The following SLC35D4 variants were observed in gnomAD, a reference collection of about 807,000 sequenced individuals.
The protein encoded by SLC35D4 is UDP-N-acetylglucosamine transporter SLC35D4.
chr18:23,392,719 C>T, the SLC35D4 span, among the ~76,000 whole-genome samples: 4 of 152,170 alleles, frequency 2.6e-5, no homozygotes, highest in Non-Finnish European at 5.9e-5. Context: ...GAATGGTGGG[C>T]GGACTTGCCT....
chr18:23,368,625 T>C, the SLC35D4 span: 2 of 850,690 alleles, frequency 2.4e-6, no homozygotes, highest in South Asian at 3.4e-5. Flanking sequence ...GCAGGCACAT[T>C]GGCTCAGAAC....
chr18:23,324,457 G>A, the SLC35D4 span, among the ~76,000 whole-genome samples: 1 of 152,312 alleles, frequency 6.6e-6, no homozygotes, highest in East Asian at 1.9e-4. Context: ...CGCTTTCATT[G>A]AATTAGAAGT....
At chr18:23,287,994 A>G in the SLC35D4 span, among the ~76,000 whole-genome samples, 1 of 152,148 alleles carries the variant, frequency 6.6e-6, no homozygotes, top group African/African-American at 2.4e-5. Flanking sequence ...CATAATTTCC[A>G]AAGTATATTT....
the SLC35D4 span, among the ~76,000 whole-genome samples, chr18:23,358,125 G>A: frequency 6.6e-6 from 1 of 152,216 alleles, no homozygotes; most frequent in Non-Finnish European, 1.5e-5. Flanking sequence ...GGGAGAGTCT[G>A]TCCACGTCCA....
At chr18:23,384,009 G>GT in the SLC35D4 span, among the ~76,000 whole-genome samples, 3 of 136,778 alleles carry the variant, frequency 2.2e-5, no homozygotes, top group East Asian at 7.3e-4. Flanking sequence ...ATTGGGGGGG[G>GT]GGGGTGTGAT....
At chr18:23,345,094 C>A in the SLC35D4 span, among the ~76,000 whole-genome samples, 2 of 151,976 alleles carry the variant, frequency 1.3e-5, no homozygotes, top group African/African-American at 4.8e-5. Context: ...GTCTGTGATC[C>A]ATTCTGAGTT....
chr18:23,350,414 AC>A, the SLC35D4 span, among the ~76,000 whole-genome samples: 1 of 152,116 alleles, frequency 6.6e-6, no homozygotes, highest in African/African-American at 2.4e-5. Context: ...GCACATTCAA[AC>A]CCCAGGCTGT....
the SLC35D4 span, among the ~76,000 whole-genome samples, chr18:23,412,353 T>C: frequency 6.6e-6 from 1 of 152,208 alleles, no homozygotes; most frequent in African/African-American, 2.4e-5. Flanking sequence ...AAGGTTCATG[T>C]TGACTACTGG....
chr18:23,312,638 A>G, the SLC35D4 span, among the ~76,000 whole-genome samples: 9 of 152,130 alleles, frequency 5.9e-5, no homozygotes, highest in African/African-American at 2.2e-4. Flanking sequence ...CTCTGAAAGG[A>G]TGATGTGTTC....
At chr18:23,305,807 G>A in the SLC35D4 span, among the ~76,000 whole-genome samples, 1 of 152,188 alleles carries the variant, frequency 6.6e-6, no homozygotes, top group Admixed American at 6.5e-5. Flanking sequence ...ATTTAGATAT[G>A]GACCTGCCCT....
chr18:23,283,448 G>C, the SLC35D4 span, among the ~76,000 whole-genome samples: 1 of 116,592 alleles, frequency 8.6e-6, no homozygotes, highest in Non-Finnish European at 1.6e-5. Context: ...CTCCAGCCTG[G>C]ACAACACAGA....
the SLC35D4 span, among the ~76,000 whole-genome samples, chr18:23,410,721 T>A: frequency 6.6e-6 from 1 of 151,610 alleles, no homozygotes; most frequent in Admixed American, 6.6e-5. Context: ...TGCTTGAACC[T>A]GAGAGGCAGA....
chr18:23,245,993 C>A, the SLC35D4 span, among the ~76,000 whole-genome samples: 1 of 152,210 alleles, frequency 6.6e-6, no homozygotes, highest in Admixed American at 6.5e-5. Flanking sequence ...CCCGGCCGGG[C>A]ACGGTGGCTC....
chr18:23,253,479 T>G, the SLC35D4 span, among the ~76,000 whole-genome samples: 1 of 152,092 alleles, frequency 6.6e-6, no homozygotes, highest in African/African-American at 2.4e-5. Context: ...TGAGACTCCA[T>G]CTCAAAAGAA....
the SLC35D4 span, among the ~76,000 whole-genome samples, chr18:23,362,265 G>A: frequency 6.6e-6 from 1 of 152,210 alleles, no homozygotes; most frequent in Non-Finnish European, 1.5e-5. Context: ...ATTTAGGAAC[G>A]TTGTACAAAA....
the SLC35D4 span, among the ~76,000 whole-genome samples, chr18:23,373,924 T>C: frequency 6.6e-6 from 1 of 152,224 alleles, no homozygotes; most frequent in African/African-American, 2.4e-5. Flanking sequence ...TGACTACCTG[T>C]GTAGTTTTCA....
At chr18:23,400,195 C>T in the SLC35D4 span, among the ~76,000 whole-genome samples, 1 of 152,172 alleles carries the variant, frequency 6.6e-6, no homozygotes, top group African/African-American at 2.4e-5. Context: ...TTAAGGACTT[C>T]CGAAGGGTAC....
the SLC35D4 span, among the ~76,000 whole-genome samples, chr18:23,363,523 C>T: frequency 4.6e-5 from 7 of 151,368 alleles, no homozygotes; most frequent in African/African-American, 9.7e-5. Flanking sequence ...TACAGGCGCC[C>T]GCCACCACGC....
chr18:23,388,850 A>C, the SLC35D4 span, among the ~76,000 whole-genome samples: 1 of 152,158 alleles, frequency 6.6e-6, no homozygotes, highest in Non-Finnish European at 1.5e-5. Flanking sequence ...CGCCATGGTA[A>C]GAGGTGCTTG....
Sources: allele counts gnomAD v4.1 joint callset (sites outside exome capture counted in the v4.1 genomes callset), GRCh38; gene constraint gnomAD v4.1.1; transcripts MANE v1.5; gene names NCBI Gene and HGNC (gene_info 2026-07-23, HGNC 2026-07-21).